The following FBXW9 variants were observed in gnomAD, a reference collection of about 807,000 sequenced individuals.
FBXW9 encodes the protein F-box and WD repeat domain containing 9.
A neutral mutation model predicts 55.8 loss-of-function variants in FBXW9; 38 were observed. The observed-to-expected ratio is 0.68, with a 90% CI of 0.53 to 0.89. The LOEUF is 0.89. FBXW9 is among the 40% of genes least tolerant of loss of function. The pLI, the probability that FBXW9 is intolerant of heterozygous loss-of-function variation, is 0.00. For synonymous variants in FBXW9, 289 were observed against 278.2 expected (o/e 1.04, Z -0.38); for missense variants, 590 against 619.4 (o/e 0.95, Z 0.50).
Position 12,689,164 on chromosome 19 carries a change from G to C in FBXW9, c.*52C>G. On this transcript the variant is annotated 3_prime_UTR_variant, in exon 10 of 10. Coordinates refer to ENST00000393261, the MANE Select transcript of FBXW9 (RefSeq NM_032301.3). The surrounding 1 kb of genome is among the most constrained non-coding windows in gnomAD (Gnocchi z 5.9). Reference sequence around the variant, plus strand: ...CATTGGGGATGGTCCCCCAAGAACAGAGGAGGAAGCCCAGCCTCCGGCAGG... The same window carrying C: ...CATTGGGGATGGTCCCCCAAGAACACAGGAGGAAGCCCAGCCTCCGGCAGG... 3.6e-6 allele frequency: 5 copies of C among 1,376,576 alleles called. No homozygotes were observed. Among genetic ancestry groups the C allele is most frequent in the Non-Finnish European group, 5.2e-6 (5 of 963,772 alleles). 85.3% of individuals were successfully genotyped at this position (1,376,576 alleles called of 1,614,324 possible).
rs1012376323 is a variant in FBXW9, at chr19:12,696,562, C to G, written c.20G>C (p.Arg7Pro). The change falls in exon 1 of 10, where the codon CGG becomes CCG. Residue 7 changes from arginine to proline, a missense_variant. Transcript: ENST00000393261. MELPLGRCDDSRTWDDD... is the reference protein window; with the variant it reads MELPLGPCDDSRTWDDD... ...GTCCCAGGTGCGGGAATCATCGCAC[C>G]GCCCTAGGGGAAGCTCCATTGCGAC... 2 of 1,611,144 alleles carry G rather than the reference C, an allele frequency of 1.2e-6. No homozygotes were observed. The highest frequency in any genetic ancestry group is 2.7e-5 in the African/African-American group (2 of 75,032).
chr19:12,691,025 GT>G (rs1222738064), intron 5 of FBXW9, 140 bp downstream of exon 5: 6 of 796,798 alleles, frequency 7.5e-6, no homozygotes, highest in Non-Finnish European at 1.3e-5. Context: ...CAAGTTGCCT[GT>G]ATTGTACCAG....
At chr19:12,694,530 C>G (rs1266435057) in intron 3 of FBXW9, 64 bp downstream of exon 3, 8 of 1,566,310 alleles carry the variant, frequency 5.1e-6, no homozygotes, top group East Asian at 2.3e-5. Flanking sequence ...GTACCAAAAC[C>G]TGGGGCCTTA....
At position 12,696,213 on chromosome 19, in the gene FBXW9, G is replaced by T. The variant is rs2025068414; in HGVS notation, c.369C>A (p.Arg123=). 2 of 1,552,382 alleles carry T rather than the reference G, an allele frequency of 1.3e-6. No individual in the cohort carries two copies. The highest frequency in any genetic ancestry group is 8.7e-7 in the Non-Finnish European group (1 of 1,149,936). The change falls in exon 1 of 10, where the codon CGC becomes CGA. Residue 123 remains arginine (R), a synonymous_variant. Transcript: ENST00000393261. ...LVSDHVTWRL[R]ALRRVRAPYP... ...AGGGCGCGCGTACGCGGCGTAGCGC[G>T]CGTAGCCTCCAGGTGACATGGTCAG...
intron 3 of FBXW9, among the ~76,000 whole-genome samples, chr19:12,693,519 AAAAAAAAAAAATATATAT>A (rs1399374488): frequency 1.5e-4 from 5 of 32,990 alleles, no homozygotes; most frequent in African/African-American, 5.9e-4. Context: ...AAAAAAAAAA[AAAAAAAAAAAATATATAT>A]ATATATATAT....
At chr19:12,693,339 G>A (rs1166932827) in intron 3 of FBXW9, among the ~76,000 whole-genome samples, 1 of 150,716 alleles carries the variant, frequency 6.6e-6, no homozygotes, top group South Asian at 2.1e-4. Flanking sequence ...TGTACCTGAC[G>A]TCTATTGAGC....
rs777185353 is a variant in FBXW9 at position 12,689,205 on chromosome 19, C to T, written c.*11G>A. 3.8e-6 allele frequency: 6 copies of T among 1,583,546 alleles called. No individual in the cohort carries two copies. In the African/African-American group the frequency reaches 5.4e-5, roughly 14 times the overall value. On this transcript the variant is annotated 3_prime_UTR_variant, in exon 10 of 10. Transcript: ENST00000393261. This position sits in a 1 kb window ranked among gnomAD's most constrained non-coding sequence, Gnocchi z 5.9. ...CTCCGGCAGGCAGTATCCACATCCA[C>T]GCCCACCTGCTCAGGCCTGCAGCCT...
Position 12,689,569 on chromosome 19 carries a change from TAC to T in FBXW9, c.1206_1207del (p.Tyr403HisfsTer5), listed in dbSNP as rs1370821493. 18 of 1,613,908 alleles carry T rather than the reference TAC, an allele frequency of 1.1e-5. No individual in the cohort carries two copies. Among genetic ancestry groups the T allele is most frequent in the African/African-American group, 2.7e-5 (2 of 74,872 alleles). ...GATGGTCTTGTCAGTGGATGTGGTG[TAC>T]AAGGCTCCCACGGAGTACTGGATCC... On this transcript the variant is annotated frameshift_variant, in exon 8 of 10. Coordinates refer to ENST00000393261, the MANE Select transcript of FBXW9 (RefSeq NM_032301.3). LOFTEE classifies it high-confidence loss of function. This position sits in a 1 kb window ranked among gnomAD's most constrained non-coding sequence, Gnocchi z 5.9.
At chr19:12,694,978 C>A in intron 1 of FBXW9, 40 bp from the exon 2 acceptor site, 1 of 1,590,416 alleles carries the variant, frequency 6.3e-7, no homozygotes. Context: ...TGGGCAGGGA[C>A]CCTAGCACCC....
intron 2 of FBXW9, 22 bp downstream of exon 2, chr19:12,694,776 GC>G: frequency 1.2e-6 from 2 of 1,613,724 alleles, no homozygotes; most frequent in African/African-American, 1.3e-5. Context: ...ACCCTGCCTG[GC>G]CCCCCACAGA....
chr19:12,694,729 A>G lies in FBXW9; in HGVS notation c.550-7T>C, dbSNP rs2025053475. The G allele has an allele frequency of 6.2e-7, 1 of 1,614,092 alleles. No individual in the cohort carries two copies. On this transcript the variant is annotated splice_region_variant and splice_polypyrimidine_tract_variant and intron_variant, in intron 2 of 9. Coordinates refer to ENST00000393261, the MANE Select transcript of FBXW9 (RefSeq NM_032301.3). ...ACAGACAGAGTGACCCACCCTGGAA[A>G]GGGAGCAAGGTGATGTTGTCAGGGC...
At chr19:12,695,666 C>G (rs959008661) in intron 1 of FBXW9, among the ~76,000 whole-genome samples, 1 of 152,130 alleles carries the variant, frequency 6.6e-6, no homozygotes. Context: ...AGGAACCAAT[C>G]AACTCAGGGC....
Position 12,689,111 on chromosome 19 carries a change from T to C in FBXW9, c.*105A>G. The C allele has an allele frequency of 1.1e-6, 1 of 944,816 alleles. No homozygotes were observed. The allele number at this position is 944,816 out of a possible 1,614,324, so 58.5% of individuals were successfully genotyped here. On this transcript the variant is annotated 3_prime_UTR_variant, in exon 10 of 10. Transcript: ENST00000393261. This position sits in a 1 kb window ranked among gnomAD's most constrained non-coding sequence, Gnocchi z 5.9. ...AATGTGGCTGGGACTCCTTGTGCCCTAGGCCCACGGGGCGGAGGCAGCACC... is the reference window on the plus strand; with the variant it reads ...AATGTGGCTGGGACTCCTTGTGCCCCAGGCCCACGGGGCGGAGGCAGCACC...
Position 12,691,345 on chromosome 19 carries a change from A to C in FBXW9, c.788T>G (p.Ile263Arg). The C allele has an allele frequency of 6.2e-7, 1 of 1,613,758 alleles. No homozygotes were observed. Reference protein sequence around the residue: ...MAADGQQFGEIKASSAVLCLS... With the variant: ...MAADGQQFGERKASSAVLCLS... ...CCCTGCCCAGGCCCCCACACACTTTATCTCGCCGAACTGCTGCCCATCCGC... is the reference window on the plus strand; with the variant it reads ...CCCTGCCCAGGCCCCCACACACTTTCTCTCGCCGAACTGCTGCCCATCCGC... Residue 263 changes from isoleucine to arginine, a missense_variant, in exon 4 of 10, where the codon ATA becomes AGA. Ile to Arg is a moderately conservative substitution (Grantham distance 97). Transcript: ENST00000393261.
rs1198469844 is a variant in FBXW9 at position 12,689,570 on chromosome 19, AC to A, written c.1206del (p.Leu402PhefsTer50). ...ITGIQYSVGA[L>X]YTTSTDKTIR... is the part of the protein sequence containing the mutation. ...ATGGTCTTGTCAGTGGATGTGGTGT[AC>A]AAGGCTCCCACGGAGTACTGGATCC... is the stretch of plus-strand genomic sequence containing the variant. On this transcript the variant is annotated frameshift_variant, in exon 8 of 10. Transcript: ENST00000393261. LOFTEE classifies it high-confidence loss of function. This position sits in a 1 kb window ranked among gnomAD's most constrained non-coding sequence, Gnocchi z 5.9. The A allele has an allele frequency of 3.1e-6, 5 of 1,613,938 alleles. No individual in the cohort carries two copies. The South Asian group carries it at 5.5e-5, about 18-fold the overall frequency.
chr19:12,689,866 G>A lies in FBXW9; in HGVS notation c.1041C>T (p.Ser347=), dbSNP rs759976249. The change falls in exon 7 of 10, where the codon TCC becomes TCT. Residue 347 remains serine, a synonymous_variant. Transcript: ENST00000393261. This position sits in a 1 kb window ranked among gnomAD's most constrained non-coding sequence, Gnocchi z 5.9. ...NSVLQRLQLD[S]YLLCMSYQEP... is the part of the protein sequence containing the mutation. ...CCTGGTAGGACATGCAGAGCAGGTA[G>A]GAGTCCAGCTACGAGAGGGACAAGG... is the stretch of plus-strand genomic sequence containing the variant. 34 of 1,613,908 alleles carry A rather than the reference G, an allele frequency of 2.1e-5. No individual in the cohort carries two copies. The highest frequency in any genetic ancestry group is 1.6e-4 in the Middle Eastern group (1 of 6,084).
rs770978013 is a variant in FBXW9, at chr19:12,696,335, G to T, written c.247C>A (p.Pro83Thr). ...CAGATCTCGAGCAGCAGCTCCGGGG[G>T]AAGGCTCAGAAGGCCCGGCTCACTT... is the stretch of plus-strand genomic sequence containing the variant. ...AVSEPGLLSL[P>T]PELLLEICSY... Residue 83 changes from proline to threonine, a missense_variant, in exon 1 of 10, where the codon CCC (proline) becomes ACC (threonine). Coordinates refer to ENST00000393261, the MANE Select transcript of FBXW9 (RefSeq NM_032301.3). 7.8e-5 allele frequency: 125 copies of T among 1,595,448 alleles called. No homozygotes were observed. Among genetic ancestry groups the T allele is most frequent in the Non-Finnish European group, 9.8e-5 (115 of 1,171,872 alleles).
In FBXW9 at chr19:12,689,356, T is replaced by C. The variant is rs374555673; in HGVS notation, c.1302+16A>G. 3.6e-4 allele frequency: 588 copies of C among 1,614,116 alleles called. 1 individual carries two copies. The highest frequency in any genetic ancestry group is 6.6e-4 in the Middle Eastern group (4 of 6,060). ...GCTCTGGCCAGCTGGGCAGGGCACA[T>C]GGGGCAGGACCTTACCCTATTGAGC... On this transcript the variant is annotated intron_variant, in intron 9 of 9. Transcript: ENST00000393261. The surrounding 1 kb of genome is among the most constrained non-coding windows in gnomAD (Gnocchi z 5.9).
At chr19:12,695,299 C>T (rs1026028007) in intron 1 of FBXW9, among the ~76,000 whole-genome samples, 2 of 152,174 alleles carry the variant, frequency 1.3e-5, no homozygotes, top group African/African-American at 4.8e-5. Context: ...CTAACCCTTC[C>T]TGCCTCAGCC....
Sources: gnomAD v4.1 joint callset for allele counts (sites outside exome capture counted in the v4.1 genomes callset) on GRCh38, gnomAD v4.1.1 for gene constraint, Gnocchi (gnomAD v3.1) non-coding constraint, MANE v1.5 for transcripts, NCBI Gene and HGNC (gene_info 2026-07-23, HGNC 2026-07-21) for gene names.